The following HLCS variants were observed in gnomAD, a reference collection of about 807,000 sequenced individuals.
HLCS encodes the protein biotin--protein ligase.
Under a neutral mutation model 75.0 loss-of-function variants are expected in HLCS, and 53 were observed. That is an observed-to-expected ratio of 0.71 (90% CI 0.57 to 0.89). The LOEUF (loss-of-function observed/expected upper bound fraction) is 0.89. Among genes scored for constraint, HLCS ranks in the 40% least tolerant of loss-of-function variants. The pLI, the probability that HLCS is intolerant of heterozygous loss-of-function variation, is 0.00. For missense variants in HLCS, 966 were observed against 1,074.0 expected (o/e 0.90, Z 1.41); for synonymous variants, 431 against 428.6 (o/e 1.01, Z -0.07).
chr21:36,879,530 C>A (rs1014308141), intron 6 of HLCS, among the ~76,000 whole-genome samples: 6 of 151,934 alleles, frequency 3.9e-5, no homozygotes, highest in African/African-American at 1.5e-4. Flanking sequence ...TTTTTTTCAA[C>A]AGTATTTGGA....
chr21:36,950,889 C>T (rs1054996932), intron 2 of HLCS, among the ~76,000 whole-genome samples: 2 of 152,168 alleles, frequency 1.3e-5, no homozygotes, highest in East Asian at 3.8e-4. Flanking sequence ...CCAAATATCT[C>T]CAACAAAGCA....
chr21:36,977,338 C>T (rs1008063264), intron 1 of HLCS, among the ~76,000 whole-genome samples: 1 of 152,066 alleles, frequency 6.6e-6, no homozygotes, highest in African/African-American at 2.4e-5. Flanking sequence ...TCCAGGTAAG[C>T]ACATGGGGCC....
At position 36,962,160 on chromosome 21, in the gene HLCS, T is replaced by C. The variant is rs886057080; in HGVS notation, c.206A>G (p.Asp69Gly). 20 of 1,288,778 alleles carry C rather than the reference T, an allele frequency of 1.6e-5. No homozygotes were observed. Among genetic ancestry groups the C allele is most frequent in the African/African-American group, 1.5e-5 (1 of 65,796 alleles). 79.8% of individuals were successfully genotyped at this position (1,288,778 alleles called of 1,614,324 possible). A position where few individuals can be genotyped will look rare whatever the true frequency, so the allele number is the denominator to read the frequency against. Residue 69 changes from aspartate (D) to glycine (G), a missense_variant, in exon 2 of 11, where the codon GAC becomes GGC. Transcript: ENST00000674895. ...FCVSDSQSIE[D>G]LNKWALFLVS... Reference sequence around the variant, plus strand: ...AAGAAATAGGGCCCACTTGTTCAAGTCTTCAATGGACTGTATAGAGGGAAA... The same window carrying C: ...AAGAAATAGGGCCCACTTGTTCAAGCCTTCAATGGACTGTATAGAGGGAAA...
At chr21:36,906,589 C>T (rs879637798) in intron 5 of HLCS, among the ~76,000 whole-genome samples, 2 of 150,546 alleles carry the variant, frequency 1.3e-5, no homozygotes, top group Admixed American at 1.3e-4. Flanking sequence ...ACACCATGTT[C>T]ATGGATCAGA....
chr21:36,988,804 T>G (rs1351386968), intron 1 of HLCS, among the ~76,000 whole-genome samples: 1 of 152,150 alleles, frequency 6.6e-6, no homozygotes, highest in Non-Finnish European at 1.5e-5. Context: ...ACGGAACATC[T>G]TTTCATTGAA....
intron 6 of HLCS, among the ~76,000 whole-genome samples, chr21:36,885,051 A>G (rs1569144573): frequency 6.6e-6 from 1 of 152,258 alleles, no homozygotes; most frequent in Non-Finnish European, 1.5e-5. Context: ...CTTGCTTCAC[A>G]TATAAGAGAA....
Position 36,936,780 on chromosome 21 carries a change from C to T in HLCS, c.1106G>A (p.Arg369Lys). 1 of 1,614,226 alleles carries T rather than the reference C, an allele frequency of 6.2e-7. No homozygotes were observed. The highest frequency in any genetic ancestry group is 8.5e-7 in the Non-Finnish European group (1 of 1,180,040). Residue 369 changes from arginine (R) to lysine (K), a missense_variant, in exon 4 of 11, where the codon AGG (arginine) becomes AAG (lysine). Coordinates refer to ENST00000674895, the MANE Select transcript of HLCS (RefSeq NM_001352514.2). ...GTACAGGTCTTCGGGAATGGACTCCCTGGTAGCAATGACCAACAGCAGACA... is the reference window on the plus strand; with the variant it reads ...GTACAGGTCTTCGGGAATGGACTCCTTGGTAGCAATGACCAACAGCAGACA... ...DNCLLLVIAT[R>K]ESIPEDLYQK...
chr21:36,788,037 T>A (rs1418149829), intron 6 of HLCS, among the ~76,000 whole-genome samples: 1 of 152,144 alleles, frequency 6.6e-6, no homozygotes, highest in Non-Finnish European at 1.5e-5. Context: ...TCCATTTTGC[T>A]AGATTCCCTC....
At chr21:36,920,839 T>C (rs921349358) in intron 5 of HLCS, among the ~76,000 whole-genome samples, 1 of 152,088 alleles carries the variant, frequency 6.6e-6, no homozygotes, top group African/African-American at 2.4e-5. Flanking sequence ...CAGAAAAACT[T>C]AAATCCTGAA....
At chr21:36,826,664 G>A (rs1228108450) in intron 6 of HLCS, among the ~76,000 whole-genome samples, 5 of 152,158 alleles carry the variant, frequency 3.3e-5, no homozygotes, top group African/African-American at 4.8e-5. Context: ...TTTCTAGAAT[G>A]GCTGTATATA....
intron 6 of HLCS, among the ~76,000 whole-genome samples, chr21:36,869,800 A>C (rs2063708872): frequency 6.6e-6 from 1 of 152,230 alleles, no homozygotes; most frequent in Non-Finnish European, 1.5e-5. Context: ...TCTGGGTTAA[A>C]ATCACAGACT....
intron 6 of HLCS, among the ~76,000 whole-genome samples, chr21:36,798,015 G>A (rs557191663): frequency 6.6e-6 from 1 of 152,194 alleles, no homozygotes; most frequent in Admixed American, 6.5e-5. Flanking sequence ...GGATGGTGGG[G>A]AGAAGCCCTC....
chr21:36,894,825 C>A (rs1225799803), intron 6 of HLCS, among the ~76,000 whole-genome samples: 1 of 150,078 alleles, frequency 6.7e-6, no homozygotes, highest in African/African-American at 2.5e-5. Context: ...CTTTTACAGA[C>A]CCAAGTTTCC....
intron 4 of HLCS, among the ~76,000 whole-genome samples, chr21:36,934,229 C>T (rs559780325): frequency 1.3e-5 from 2 of 152,060 alleles, no homozygotes; most frequent in South Asian, 4.2e-4. Context: ...TTAGTTGGAC[C>T]GAAAACCGGA....
intron 5 of HLCS, among the ~76,000 whole-genome samples, chr21:36,920,117 G>C (rs1601743448): frequency 6.6e-6 from 1 of 152,138 alleles, no homozygotes; most frequent in Admixed American, 6.5e-5. Flanking sequence ...AGAATTGTCT[G>C]AGCCCAGAAA....
chr21:36,791,587 C>T (rs552802580), intron 6 of HLCS, among the ~76,000 whole-genome samples: 2 of 152,252 alleles, frequency 1.3e-5, no homozygotes, highest in South Asian at 2.1e-4. Flanking sequence ...GGATTTTTCT[C>T]ACCCCATTAA....
intron 6 of HLCS, among the ~76,000 whole-genome samples, chr21:36,820,866 C>A (rs552288621): frequency 1.3e-5 from 2 of 152,130 alleles, no homozygotes; most frequent in Non-Finnish European, 2.9e-5. Context: ...CCCAAAAGCA[C>A]GGAAAAACCA....
chr21:36,983,708 G>T (rs2069172668), intron 1 of HLCS, among the ~76,000 whole-genome samples: 1 of 151,704 alleles, frequency 6.6e-6, no homozygotes, highest in South Asian at 2.1e-4. Flanking sequence ...GTGGTGGCGG[G>T]CACCTGTAGT....
intron 6 of HLCS, among the ~76,000 whole-genome samples, chr21:36,793,525 C>T (rs1015331143): frequency 2.0e-5 from 3 of 151,992 alleles, no homozygotes; most frequent in Admixed American, 1.3e-4. Context: ...TGGTCTTGAA[C>T]TCCGGACCTT....
Sources: gnomAD v4.1 joint callset for allele counts (sites outside exome capture counted in the v4.1 genomes callset) on GRCh38, gnomAD v4.1.1 for gene constraint, MANE v1.5 for transcripts, NCBI Gene and HGNC (gene_info 2026-07-23, HGNC 2026-07-21) for gene names.